PLOD3: variants seen among roughly 807,000 people sequenced by gnomAD.
The protein encoded by PLOD3 is multifunctional procollagen lysine hydroxylase and glycosyltransferase LH3.
Under a neutral mutation model 96.9 loss-of-function variants are expected in PLOD3, and 73 were observed. The ratio of observed to expected loss-of-function variants is 0.75; its 90% CI spans 0.62 to 0.92. The LOEUF (loss-of-function observed/expected upper bound fraction) is 0.92. Ranked by LOEUF, PLOD3 falls within the 40% of genes least tolerant of loss-of-function variation. The pLI is 0.00. For missense variants in PLOD3, 1,004 were observed against 1,004.3 expected (o/e 1.00, Z 0.00); for synonymous variants, 454 against 413.7 (o/e 1.10, Z -1.18).
intron 12 of PLOD3, 64 bp from the exon 13 acceptor site, chr7:101,210,737 C>T (rs943746455): frequency 1.4e-5 from 22 of 1,593,178 alleles, no homozygotes; most frequent in Non-Finnish European, 1.5e-5. Flanking sequence ...CAGCTCATCC[C>T]GGGAAGTCCT....
chr7:101,213,044 A>G, intron 7 of PLOD3, 63 bp downstream of exon 7: 1 of 1,222,498 alleles, frequency 8.2e-7, no homozygotes, highest in Non-Finnish European at 1.2e-6. Flanking sequence ...AGCTTCTCAG[A>G]AGGGTTGGAG....
At chr7:101,209,103 A>G in intron 15 of PLOD3, 146 bp from the exon 16 acceptor site, 1 of 684,580 alleles carries the variant, frequency 1.5e-6, no homozygotes, top group Non-Finnish European at 2.7e-6. Flanking sequence ...GGGCTGAGGG[A>G]GTGGCAAGGC....
At chr7:101,215,557 A>T (rs1325380701) in intron 5 of PLOD3, among the ~76,000 whole-genome samples, 2 of 152,078 alleles carry the variant, frequency 1.3e-5, no homozygotes, top group African/African-American at 4.8e-5. Context: ...CCAGGCTGGA[A>T]TGCAGTGGTG....
At chr7:101,212,117 G>A in intron 10 of PLOD3, 136 bp downstream of exon 10, 1 of 1,218,066 alleles carries the variant, frequency 8.2e-7, no homozygotes, top group Admixed American at 1.7e-5. Context: ...CAGCATGGGG[G>A]CTGCAAGGAT....
Position 101,207,842 on chromosome 7 carries a change from AAC to A in PLOD3, c.1789-120_1789-119del, listed in dbSNP as rs1476910961. The A allele has an allele frequency of 7.1e-6, 8 of 1,121,896 alleles. No individual in the cohort carries two copies. The African/African-American group carries it at 1.1e-4, about 15-fold the overall frequency. The allele number at this position is 1,121,896 out of a possible 1,614,324, so 69.5% of individuals were successfully genotyped here. A position where few individuals can be genotyped will look rare whatever the true frequency, so the allele number is the denominator to read the frequency against. The stretch of plus-strand genomic sequence containing the variant: ...TTCACACCTGTGTTCCTCTGTGCAG[AAC>A]AGTCTTCTTTGCTACTTCTCGGCCT... On this transcript the variant is annotated intron_variant, in intron 16 of 18. Transcript: ENST00000223127.
At position 101,210,181 on chromosome 7, in the gene PLOD3, ACAT is replaced by A; in HGVS notation, c.1615-23_1615-21del. 2 of 1,586,368 alleles carry A rather than the reference ACAT, an allele frequency of 1.3e-6. No individual in the cohort carries two copies. The highest frequency in any genetic ancestry group is 1.1e-5 in the South Asian group (1 of 88,830). ...CCAGTCCTGTGAGAGGGTGGGGGGC[ACAT>A]CAGATCTGTGCCCCCCTCGCTCCCA... On this transcript the variant is annotated intron_variant, in intron 14 of 18. Coordinates refer to ENST00000223127, the MANE Select transcript of PLOD3 (RefSeq NM_001084.5).
chr7:101,216,384 C>CCGCT (rs778953069), intron 3 of PLOD3, 26 bp downstream of exon 3: 347 of 1,613,932 alleles, frequency 2.2e-4, no homozygotes, highest in Non-Finnish European at 2.8e-4. Flanking sequence ...CATCCTTACC[C>CCGCT]CGCTCCCTAT....
chr7:101,214,444 G>A (rs545508331), intron 6 of PLOD3, among the ~76,000 whole-genome samples: 149 of 151,920 alleles, frequency 9.8e-4, no homozygotes, highest in African/African-American at 3.2e-3. Flanking sequence ...CTCTCTCCCC[G>A]TTCTCCCCAT....
chr7:101,206,703 A>G lies in PLOD3; in HGVS notation c.2061+76T>C, dbSNP rs11977763. 12,258 of 1,470,410 alleles carry G rather than the reference A, an allele frequency of 8.3e-3. 201 individuals are homozygous for G. Among genetic ancestry groups the G allele is most frequent in the East Asian group, 0.078 (3,180 of 40,704 alleles). The allele number at this position is 1,470,410 out of a possible 1,614,324, so 91.1% of individuals were successfully genotyped here. On this transcript the variant is annotated intron_variant, in intron 18 of 18. Coordinates refer to ENST00000223127, the MANE Select transcript of PLOD3 (RefSeq NM_001084.5). ...AATGGGCAGGGAGGGGAGCTGGGGG[A>G]TGCACGCAGGGGCTCTAGGTGGGGA...
At chr7:101,214,788 G>T (rs1173123415) in intron 6 of PLOD3, among the ~76,000 whole-genome samples, 5 of 152,176 alleles carry the variant, frequency 3.3e-5, no homozygotes, top group Admixed American at 3.3e-4. Context: ...AGTGAGCCAA[G>T]ATTGGACCAC....
chr7:101,213,305 G>A, intron 6 of PLOD3, 101 bp from the exon 7 acceptor site: 1 of 788,574 alleles, frequency 1.3e-6, no homozygotes, highest in Non-Finnish European at 2.2e-6. Context: ...AGGGAATAAA[G>A]GGACACCAGG....
chr7:101,217,414 A>C lies in PLOD3; in HGVS notation c.-140T>G. The C allele has an allele frequency of 1.2e-6, 1 of 823,556 alleles. No individual in the cohort carries two copies. Among genetic ancestry groups the C allele is most frequent in the Non-Finnish European group, 1.7e-6 (1 of 588,636 alleles). 51.0% of individuals were successfully genotyped at this position (823,556 alleles called of 1,614,324 possible). On this transcript the variant is annotated 5_prime_UTR_variant, in exon 1 of 19. The change abolishes the stop of an existing upstream ORF in the 5' untranslated region. Transcript: ENST00000223127. Reference sequence around the variant, plus strand: ...CGCGGGGAGCAGCTTGGCTGGGGCTACGCCCTGAAAAAAAGGCGTATCCGG... The same window carrying C: ...CGCGGGGAGCAGCTTGGCTGGGGCTCCGCCCTGAAAAAAAGGCGTATCCGG...
intron 12 of PLOD3, 28 bp downstream of exon 12, chr7:101,211,563 C>A (rs771106514): frequency 8.8e-6 from 14 of 1,591,804 alleles, no homozygotes; most frequent in Admixed American, 1.8e-5. Flanking sequence ...TCGGAGGAGG[C>A]GGGGGGCTGC....
rs767540894 is a variant in PLOD3, at chr7:101,211,929, G to T, written c.1149C>A (p.Pro383=). 6.2e-7 allele frequency: 1 copy of T among 1,607,674 alleles called. No homozygotes were observed. The highest frequency in any genetic ancestry group is 8.5e-7 in the Non-Finnish European group (1 of 1,177,404). The change falls in exon 11 of 19, where the codon CCC becomes CCA. Residue 383 remains proline (P), a synonymous_variant. Coordinates refer to ENST00000223127, the MANE Select transcript of PLOD3 (RefSeq NM_001084.5). The part of the protein sequence containing the change: ...DMAMDLCRQD[P]ECEFYFSLDA... Reference sequence around the variant, plus strand: ...CCAGGCTGAAGTAGAACTCACACTCGGGGTCCTGCCGACACAGGTCCCTGG... The same window carrying T: ...CCAGGCTGAAGTAGAACTCACACTCTGGGTCCTGCCGACACAGGTCCCTGG...
chr7:101,212,098 C>A (rs2116803639), intron 10 of PLOD3, 148 bp from the exon 11 acceptor site: 1 of 1,099,590 alleles, frequency 9.1e-7, no homozygotes, highest in Non-Finnish European at 1.4e-6. Flanking sequence ...CTGGCAAGGG[C>A]AGGAGTGACA....
chr7:101,212,575 G>A lies in PLOD3; in HGVS notation c.960C>T (p.Leu320=). 6.2e-7 allele frequency: 1 copy of A among 1,613,888 alleles called. No homozygotes were observed. The highest frequency in any genetic ancestry group is 8.5e-7 in the Non-Finnish European group (1 of 1,179,894). The change falls in exon 9 of 19, where the codon CTC becomes CTT. Residue 320 remains leucine (L), a synonymous_variant. Coordinates refer to ENST00000223127, the MANE Select transcript of PLOD3 (RefSeq NM_001084.5). ...TGACCCTGTCGGGGGGATAGTCCAG[G>A]AGTAGCAGCCGCTGCAGGAAGCGGG... The part of the protein sequence containing the change: ...FLPRFLQRLL[L]LDYPPDRVTL...
chr7:101,216,523 C>T lies in PLOD3; in HGVS notation c.225G>A (p.Trp75Ter), dbSNP rs1269567750. 1 of 1,614,150 alleles carries T rather than the reference C, an allele frequency of 6.2e-7. No homozygotes were observed. The highest frequency in any genetic ancestry group is 1.7e-5 in the Admixed American group (1 of 60,000). The change falls in exon 3 of 19, where the codon TGG (tryptophan) becomes TGA (stop). Residue 75 changes from tryptophan (W) to a stop codon, truncating the protein, a stop_gained. Coordinates refer to ENST00000223127, the MANE Select transcript of PLOD3 (RefSeq NM_001084.5). LOFTEE classifies it high-confidence loss of function. ...CTGTTCGAGCCACATCACCCCCTCGCCACTCCTCTCCCAGGCCCAGGGTCT... is the reference window on the plus strand; with the variant it reads ...CTGTTCGAGCCACATCACCCCCTCGTCACTCCTCTCCCAGGCCCAGGGTCT... ...TVRTLGLGEE[W>*]RGGDVARTVG... is the part of the protein sequence containing the mutation.
Position 101,210,668 on chromosome 7 carries a change from A to G in PLOD3, c.1364T>C (p.Val455Ala), listed in dbSNP as rs1798167664. 1 of 1,613,930 alleles carries G rather than the reference A, an allele frequency of 6.2e-7. No individual in the cohort carries two copies. The highest frequency in any genetic ancestry group is 1.1e-5 in the South Asian group (1 of 91,082). Residue 455 changes from valine (V) to alanine (A), a missense_variant, in exon 13 of 19, where the codon GTG becomes GCG. Physicochemically the swap from Val to Ala is moderately conservative, Grantham distance 64 (BLOSUM62 0). Transcript: ENST00000223127. The part of the protein sequence containing the change: ...VELVQRKRVG[V>A]WNVPYISQAY... ...CTGGGAGATGTATGGTACATTCCAC[A>G]CACCCCTGGAGGCACCGACACCGCG...
chr7:101,216,090 A>G, intron 4 of PLOD3, 70 bp from the exon 5 acceptor site: 1 of 1,609,462 alleles, frequency 6.2e-7, no homozygotes, highest in East Asian at 2.2e-5. Context: ...GGCTGTCTCC[A>G]GCCCTCAGGC....
Sources: allele counts gnomAD v4.1 joint callset (sites outside exome capture counted in the v4.1 genomes callset), GRCh38; gene constraint gnomAD v4.1.1; transcripts MANE v1.5; gene names NCBI Gene and HGNC (gene_info 2026-07-23, HGNC 2026-07-21).